The following ARK2C variants were observed in gnomAD, a reference collection of about 807,000 sequenced individuals.
The protein encoded by ARK2C is arkadia (RNF111) C-terminal like ring finger ubiquitin ligase 2C.
chr18:46,396,309 C>T, the ARK2C span, among the ~76,000 whole-genome samples: 1 of 152,068 alleles, frequency 6.6e-6, no homozygotes. Context: ...TAGTTGTTGT[C>T]TCATAGTGCT....
chr18:46,456,480 G>C, the ARK2C span: 2 of 1,450,644 alleles, frequency 1.4e-6, no homozygotes, highest in Non-Finnish European at 1.9e-6. Context: ...GTGTCCCTCA[G>C]CTCTTGCCGG....
chr18:46,355,857 A>G, the ARK2C span, among the ~76,000 whole-genome samples: 1 of 152,224 alleles, frequency 6.6e-6, no homozygotes, highest in Admixed American at 6.5e-5. Context: ...AATATCCAGT[A>G]TGGCCCTGCC....
the ARK2C span, among the ~76,000 whole-genome samples, chr18:46,367,129 T>G: frequency 6.6e-6 from 1 of 152,148 alleles, no homozygotes; most frequent in South Asian, 2.1e-4. Flanking sequence ...GCCCATCTGC[T>G]GGGGGATGTG....
chr18:46,379,028 G>A, the ARK2C span, among the ~76,000 whole-genome samples: 3 of 152,208 alleles, frequency 2.0e-5, no homozygotes, highest in African/African-American at 7.2e-5. Context: ...GGGAAGGAGC[G>A]GGGCACCAGA....
the ARK2C span, among the ~76,000 whole-genome samples, chr18:46,423,565 AC>A: frequency 2.0e-5 from 3 of 152,280 alleles, no homozygotes; most frequent in African/African-American, 7.2e-5. Flanking sequence ...TGGGCATACC[AC>A]GTGGAGACGT....
At chr18:46,366,231 G>A in the ARK2C span, among the ~76,000 whole-genome samples, 317 of 137,474 alleles carry the variant, frequency 2.3e-3, no homozygotes, top group Admixed American at 4.3e-3. Context: ...GGTGGAGGTT[G>A]AAGTGAGCCA....
At chr18:46,374,406 C>G in the ARK2C span, among the ~76,000 whole-genome samples, 1 of 152,154 alleles carries the variant, frequency 6.6e-6, no homozygotes, top group Non-Finnish European at 1.5e-5. Flanking sequence ...CCCCATTAAA[C>G]ACGAACTCCC....
At chr18:46,384,520 G>C in the ARK2C span, among the ~76,000 whole-genome samples, 2 of 151,974 alleles carry the variant, frequency 1.3e-5, no homozygotes, top group Non-Finnish European at 2.9e-5. Flanking sequence ...ATTTCTCATG[G>C]ATACACACCC....
chr18:46,405,507 G>T, the ARK2C span, among the ~76,000 whole-genome samples: 1 of 152,176 alleles, frequency 6.6e-6, no homozygotes, highest in Non-Finnish European at 1.5e-5. Context: ...GGGTGGGAGT[G>T]GCTGTTGGCG....
chr18:46,459,357 C>CA, the ARK2C span: 1 of 152,418 alleles, frequency 6.6e-6, no homozygotes, highest in South Asian at 2.1e-4. Context: ...TTCTGACACT[C>CA]ACACTCCCTA....
the ARK2C span, among the ~76,000 whole-genome samples, chr18:46,391,764 G>A: frequency 3.3e-5 from 5 of 150,866 alleles, no homozygotes; most frequent in East Asian, 1.9e-4. Flanking sequence ...ACACACACAC[G>A]CACACACACA....
the ARK2C span, among the ~76,000 whole-genome samples, chr18:46,419,366 T>C: frequency 6.6e-6 from 1 of 152,018 alleles, no homozygotes; most frequent in African/African-American, 2.4e-5. Context: ...ACACTTTCAA[T>C]GGGGGAGGAG....
the ARK2C span, chr18:46,435,340 C>G: frequency 3.1e-6 from 5 of 1,614,148 alleles, no homozygotes; most frequent in East Asian, 4.5e-5. Flanking sequence ...ATCCCAGCTT[C>G]GACTTCGGCC....
the ARK2C span, among the ~76,000 whole-genome samples, chr18:46,384,135 G>C: frequency 1.3e-5 from 2 of 152,228 alleles, no homozygotes; most frequent in East Asian, 1.9e-4. Context: ...AGTTGGTACA[G>C]CAGGGCTTTT....
the ARK2C span, chr18:46,385,663 G>A: frequency 6.6e-6 from 1 of 152,292 alleles, no homozygotes; most frequent in South Asian, 2.1e-4. Context: ...GTCCCCCTTT[G>A]GAGCATGAAC....
chr18:46,417,034 A>G, the ARK2C span, among the ~76,000 whole-genome samples: 1 of 152,204 alleles, frequency 6.6e-6, no homozygotes, highest in Non-Finnish European at 1.5e-5. Flanking sequence ...AGCCACACCA[A>G]TCTTCTAGTT....
At chr18:46,451,991 G>T in the ARK2C span, among the ~76,000 whole-genome samples, 2 of 152,304 alleles carry the variant, frequency 1.3e-5, no homozygotes, top group East Asian at 1.9e-4. Flanking sequence ...GGTTGCCAGT[G>T]GGGAGGGAGG....
At chr18:46,433,172 T>G in the ARK2C span, 1 of 1,552,528 alleles carries the variant, frequency 6.4e-7, no homozygotes, top group Non-Finnish European at 8.7e-7. Flanking sequence ...TGGAGATGTC[T>G]CTGTCCTTGC....
the ARK2C span, among the ~76,000 whole-genome samples, chr18:46,350,680 A>G: frequency 5.3e-5 from 8 of 152,176 alleles, no homozygotes; most frequent in Non-Finnish European, 8.8e-5. Context: ...TGAGGTCACC[A>G]GTAGCTGAGA....
Sources: allele counts gnomAD v4.1 joint callset (sites outside exome capture counted in the v4.1 genomes callset), GRCh38; gene constraint gnomAD v4.1.1; transcripts MANE v1.5; gene names NCBI Gene and HGNC (gene_info 2026-07-23, HGNC 2026-07-21).